SPATA17: variants seen among roughly 807,000 people sequenced by gnomAD.
SPATA17 encodes the protein spermatogenesis-associated protein 17.
Under a neutral mutation model 62.2 loss-of-function variants are expected in SPATA17, and 53 were observed. That is an observed-to-expected ratio of 0.85 (90% CI 0.68 to 1.07). The LOEUF (loss-of-function observed/expected upper bound fraction) is 1.07, where lower values mean the gene tolerates loss of function less well. Ranked by LOEUF, SPATA17 falls within the 50% of genes least tolerant of loss-of-function variation. The pLI is 0.00. For missense variants in SPATA17, 466 were observed against 425.5 expected, an observed-to-expected ratio of 1.10 and a Z score of -0.84; for synonymous variants, 146 against 146.8, an observed-to-expected ratio of 0.99 and a Z score of 0.04.
At chr1:217,766,334 G>A (rs369246240) in intron 6 of SPATA17, among the ~76,000 whole-genome samples, 2 of 151,604 alleles carry the variant, frequency 1.3e-5, no homozygotes, top group Non-Finnish European at 2.9e-5. Context: ...TTCTTAGTAT[G>A]TAAGCTGCAT....
intron 5 of SPATA17, among the ~76,000 whole-genome samples, chr1:217,730,263 G>A (rs1334306354): frequency 6.6e-6 from 1 of 151,428 alleles, no homozygotes; most frequent in Non-Finnish European, 1.5e-5. Flanking sequence ...TGTCGCCAAG[G>A]CTACAGTGCA....
chr1:217,670,489 G>A (rs576020803), intron 4 of SPATA17, among the ~76,000 whole-genome samples: 25 of 152,274 alleles, frequency 1.6e-4, no homozygotes, highest in Admixed American at 5.2e-4. Context: ...AGAAATTCAC[G>A]TCAGTACAAG....
At chr1:217,857,170 TC>T (rs1675805367) in intron 9 of SPATA17, among the ~76,000 whole-genome samples, 1 of 152,108 alleles carries the variant, frequency 6.6e-6, no homozygotes, top group Admixed American at 6.6e-5. Context: ...AACAGCGCTG[TC>T]CCGCTTACTA....
intron 8 of SPATA17, among the ~76,000 whole-genome samples, chr1:217,796,297 A>G (rs11800529): frequency 0.019 from 2,833 of 152,230 alleles, 102 homozygotes; most frequent in African/African-American, 0.064. Flanking sequence ...AAATAAAGTG[A>G]ACTCTGCAAA....
intron 5 of SPATA17, among the ~76,000 whole-genome samples, chr1:217,709,735 G>T (rs982555832): frequency 6.6e-6 from 1 of 152,162 alleles, no homozygotes; most frequent in Admixed American, 6.6e-5. Flanking sequence ...TTCACACTCA[G>T]TGATGCACAT....
chr1:217,865,875 G>A (rs912440446), intron 10 of SPATA17, among the ~76,000 whole-genome samples: 4 of 152,128 alleles, frequency 2.6e-5, no homozygotes, highest in Non-Finnish European at 4.4e-5. Flanking sequence ...TCAATTTTGA[G>A]GCCCGATAAG....
chr1:217,655,014 A>G (rs1185365658), intron 3 of SPATA17, among the ~76,000 whole-genome samples: 1 of 152,166 alleles, frequency 6.6e-6, no homozygotes, highest in African/African-American at 2.4e-5. Flanking sequence ...CCAGCCCTAC[A>G]TAATCTTATT....
At chr1:217,853,235 A>C (rs7542399) in intron 9 of SPATA17, among the ~76,000 whole-genome samples, 61,882 of 151,920 alleles carry the variant, frequency 0.41, 12,959 homozygotes, top group Admixed American at 0.47. Flanking sequence ...CATGAGAGTA[A>C]TGTTTATAAT....
intron 6 of SPATA17, among the ~76,000 whole-genome samples, chr1:217,764,774 A>G (rs1410173857): frequency 6.6e-6 from 1 of 152,142 alleles, no homozygotes; most frequent in Non-Finnish European, 1.5e-5. Flanking sequence ...TTCAGTTGGT[A>G]TATAATGATA....
intron 5 of SPATA17, among the ~76,000 whole-genome samples, chr1:217,684,302 A>G (rs1478361484): frequency 1.3e-5 from 2 of 152,224 alleles, no homozygotes; most frequent in Non-Finnish European, 2.9e-5. Flanking sequence ...AAATGACCAT[A>G]TGCATATAGT....
At chr1:217,668,345 A>G (rs1221326633) in intron 3 of SPATA17, among the ~76,000 whole-genome samples, 2 of 152,208 alleles carry the variant, frequency 1.3e-5, no homozygotes, top group African/African-American at 2.4e-5. Flanking sequence ...AGAAATTTGT[A>G]TATTAATATG....
At chr1:217,774,575 T>C in intron 7 of SPATA17, 38 bp downstream of exon 7, 2 of 1,573,724 alleles carry the variant, frequency 1.3e-6, no homozygotes, top group South Asian at 2.3e-5. Context: ...TCATTAATTT[T>C]ATTCTTGCTA....
At chr1:217,779,886 G>A (rs1290290803) in intron 7 of SPATA17, among the ~76,000 whole-genome samples, 2 of 151,964 alleles carry the variant, frequency 1.3e-5, no homozygotes, top group Admixed American at 6.6e-5. Context: ...TAAATAACAT[G>A]AATTATGGAA....
At chr1:217,716,879 G>A (rs768689990) in intron 5 of SPATA17, among the ~76,000 whole-genome samples, 7 of 152,248 alleles carry the variant, frequency 4.6e-5, no homozygotes, top group South Asian at 2.1e-4. Flanking sequence ...ATGTTATCTC[G>A]TCTATCCACA....
In SPATA17 at chr1:217,660,770, T is replaced by C. The variant is rs61121865; in HGVS notation, c.241-8263T>C. 1.4e-3 allele frequency among the ~76,000 whole-genome samples: 216 copies of C among 152,312 alleles called. 5 individuals are homozygous for C. In the East Asian group the frequency reaches 0.036, roughly 26 times the overall value. On this transcript the variant is annotated intron_variant, in intron 3 of 10. Coordinates refer to ENST00000366933, the MANE Select transcript of SPATA17 (RefSeq NM_138796.4). ...TAGCTACAGGGAACCTTAGCTCACATGTAGTGTGAGTAAGAAATAAACTTT... is the reference window on the plus strand; with the variant it reads ...TAGCTACAGGGAACCTTAGCTCACACGTAGTGTGAGTAAGAAATAAACTTT...
intron 7 of SPATA17, among the ~76,000 whole-genome samples, chr1:217,777,283 T>C (rs1433823597): frequency 2.0e-5 from 3 of 152,238 alleles, no homozygotes; most frequent in African/African-American, 7.2e-5. Flanking sequence ...TAACTGATGG[T>C]TTATACTGTC....
chr1:217,836,531 C>T (rs1675263257), intron 9 of SPATA17, among the ~76,000 whole-genome samples: 1 of 152,074 alleles, frequency 6.6e-6, no homozygotes, highest in Admixed American at 6.6e-5. Flanking sequence ...TACAAAACAT[C>T]AACTATTTGG....
intron 6 of SPATA17, among the ~76,000 whole-genome samples, chr1:217,768,668 A>G (rs1245509119): frequency 6.6e-6 from 1 of 151,620 alleles, no homozygotes; most frequent in Non-Finnish European, 1.5e-5. Flanking sequence ...AATTTTTTGT[A>G]TTTTTGGTAG....
At chr1:217,703,895 T>C (rs1192875608) in intron 5 of SPATA17, among the ~76,000 whole-genome samples, 1 of 152,154 alleles carries the variant, frequency 6.6e-6, no homozygotes. Flanking sequence ...TTCTCTTTAG[T>C]TTGTTATTGT....
Sources: gnomAD v4.1 joint callset for allele counts (sites outside exome capture counted in the v4.1 genomes callset) on GRCh38, gnomAD v4.1.1 for gene constraint, MANE v1.5 for transcripts, NCBI Gene and HGNC (gene_info 2026-07-23, HGNC 2026-07-21) for gene names.